Variants in ANO2 observed in about 807,000 individuals in gnomAD.
The protein encoded by ANO2 is anoctamin 2.
A neutral mutation model predicts 124.2 loss-of-function variants in ANO2; 101 were observed. The observed-to-expected ratio is 0.81, with a 90% CI of 0.69 to 0.96. The LOEUF is 0.96. ANO2 is among the 40% of genes least tolerant of loss of function. The pLI is 0.00. For synonymous variants in ANO2, 486 were observed against 482.5 expected, an observed-to-expected ratio of 1.01 and a Z score of -0.09; for missense variants, 1,293 against 1,274.5, an observed-to-expected ratio of 1.01 and a Z score of -0.22.
chr12:5,914,163 G>A (rs1382608894), intron 3 of ANO2, among the ~76,000 whole-genome samples: 1 of 151,516 alleles, frequency 6.6e-6, no homozygotes, highest in Non-Finnish European at 1.5e-5. Context: ...TTGCGCTACT[G>A]CACTCCAGCC....
chr12:5,689,129 G>A (rs1323902370), intron 14 of ANO2, among the ~76,000 whole-genome samples: 1 of 152,136 alleles, frequency 6.6e-6, no homozygotes, highest in East Asian at 1.9e-4. Flanking sequence ...TACTAAAGAA[G>A]CCAAAGGAAT....
intron 3 of ANO2, among the ~76,000 whole-genome samples, chr12:5,909,447 C>G (rs1025561095): frequency 1.3e-5 from 2 of 152,196 alleles, no homozygotes; most frequent in Non-Finnish European, 2.9e-5. Flanking sequence ...ACAGTACTGT[C>G]AGATACATAG....
chr12:5,899,785 C>T (rs1940058406), intron 3 of ANO2, among the ~76,000 whole-genome samples: 1 of 152,190 alleles, frequency 6.6e-6, no homozygotes, highest in East Asian at 1.9e-4. Flanking sequence ...ACAGCTCATC[C>T]CTTTTCCTTT....
At chr12:5,813,070 G>A (rs1208273753) in intron 7 of ANO2, among the ~76,000 whole-genome samples, 7 of 11,088 alleles carry the variant, frequency 6.3e-4, no homozygotes, top group African/African-American at 1.1e-3. Flanking sequence ...GAAGGAAGAC[G>A]AAAGAGGAAG....
chr12:5,571,546 G>T (rs572298627), intron 23 of ANO2, among the ~76,000 whole-genome samples: 5 of 152,306 alleles, frequency 3.3e-5, no homozygotes, highest in African/African-American at 1.2e-4. Context: ...GGGTCAACAA[G>T]TTCCCAACGC....
rs556193665 is a variant in ANO2 at position 5,802,912 on chromosome 12, G to A, written c.990+3140C>T. On this transcript the variant is annotated intron_variant, in intron 9 of 24. Coordinates refer to ENST00000682330, the MANE Select transcript of ANO2 (RefSeq NM_001364791.2). ...ACAGCAGGAACCATCCCACCTGATGGATCAGAGATAGAAGCAGCAAGTTTG... is the reference window on the plus strand; with the variant it reads ...ACAGCAGGAACCATCCCACCTGATGAATCAGAGATAGAAGCAGCAAGTTTG... 9.0e-4 allele frequency among the ~76,000 whole-genome samples: 137 copies of A among 152,324 alleles called. 1 individual carries two copies. The highest frequency in any genetic ancestry group is 1.4e-3 in the Non-Finnish European group (98 of 68,030).
intron 19 of ANO2, among the ~76,000 whole-genome samples, chr12:5,610,848 A>ACACG (rs1365537314): frequency 6.9e-6 from 1 of 145,892 alleles, no homozygotes; most frequent in Admixed American, 6.9e-5. Flanking sequence ...ACACACACAC[A>ACACG]CACACACACA....
At chr12:5,820,295 G>C (rs1953746325) in intron 7 of ANO2, among the ~76,000 whole-genome samples, 1 of 152,132 alleles carries the variant, frequency 6.6e-6, no homozygotes, top group African/African-American at 2.4e-5. Context: ...TTGGGGAAAG[G>C]GATATGATCA....
rs1172290767 is a variant in ANO2 at position 5,795,870 on chromosome 12, G to A, written c.1055+3637C>T. On this transcript the variant is annotated intron_variant, in intron 10 of 24. Transcript: ENST00000682330. ...GGCTGTTTTCCTCCTGGGTTTTAGAGCATTGAACCAGAGAAGTGCAGGCAG... is the reference window on the plus strand; with the variant it reads ...GGCTGTTTTCCTCCTGGGTTTTAGAACATTGAACCAGAGAAGTGCAGGCAG... 3.9e-5 allele frequency among the ~76,000 whole-genome samples: 6 copies of A among 152,074 alleles called. No individual in the cohort carries two copies. In the East Asian group the frequency reaches 1.2e-3, roughly 29 times the overall value.
At chr12:5,800,081 G>A (rs1417613918) in intron 9 of ANO2, among the ~76,000 whole-genome samples, 1 of 152,214 alleles carries the variant, frequency 6.6e-6, no homozygotes, top group Non-Finnish European at 1.5e-5. Flanking sequence ...GTAGGGTGCT[G>A]TTGTAGACAG....
intron 16 of ANO2, among the ~76,000 whole-genome samples, chr12:5,627,420 C>A (rs1810439887): frequency 6.6e-6 from 1 of 152,200 alleles, no homozygotes; most frequent in South Asian, 2.1e-4. Flanking sequence ...ACTGTGGCGT[C>A]CCCGCAGAGA....
chr12:5,922,606 C>A lies in ANO2; in HGVS notation c.207+14G>T. ...CTGGCCTATCCCCCCACCCCACCCC[C>A]GCCCAGTACTCACAGAGCTGCTGCG... On this transcript the variant is annotated intron_variant, in intron 2 of 24. Coordinates refer to ENST00000682330, the MANE Select transcript of ANO2 (RefSeq NM_001364791.2). 6.2e-4 allele frequency: 941 copies of A among 1,523,400 alleles called. No individual in the cohort carries two copies. Among genetic ancestry groups the A allele is most frequent in the African/African-American group, 1.8e-3 (131 of 72,194 alleles). The allele number at this position is 1,523,400 out of a possible 1,614,324, so 94.4% of individuals were successfully genotyped here. A position where few individuals can be genotyped will look rare whatever the true frequency, so the allele number is the denominator to read the frequency against.
intron 1 of ANO2, among the ~76,000 whole-genome samples, chr12:5,928,434 T>C (rs1942191620): frequency 1.0e-5 from 1 of 99,282 alleles, no homozygotes; most frequent in Admixed American, 1.1e-4. Flanking sequence ...TCCTCACTAG[T>C]CTACTTTCCT....
Position 5,836,376 on chromosome 12 carries a change from T to C in ANO2, c.634-3773A>G, listed in dbSNP as rs540141333. ...TTAAATGTAATTATATCCCATGTGG[T>C]ATTTGGGACATATACTAACAAAGTA... On this transcript the variant is annotated intron_variant, in intron 4 of 24. Transcript: ENST00000682330. 1.2e-4 allele frequency among the ~76,000 whole-genome samples: 18 copies of C among 152,324 alleles called. 1 individual carries two copies. The South Asian group carries it at 3.7e-3, about 32-fold the overall frequency.
chr12:5,891,098 T>C (rs1189512017), intron 3 of ANO2, among the ~76,000 whole-genome samples: 1 of 152,182 alleles, frequency 6.6e-6, no homozygotes, highest in Admixed American at 6.5e-5. Context: ...ACGTTCTCCT[T>C]CTATGCCACC....
intron 19 of ANO2, among the ~76,000 whole-genome samples, chr12:5,601,269 T>C (rs1317473210): frequency 6.6e-6 from 1 of 152,170 alleles, no homozygotes. Flanking sequence ...CATGCTCTGA[T>C]AGACATTTAT....
At position 5,787,638 on chromosome 12, in the gene ANO2, A is replaced by G. The variant is rs1952577043; in HGVS notation, c.1055+11869T>C. 6.6e-6 allele frequency among the ~76,000 whole-genome samples: 1 copy of G among 152,204 alleles called. No homozygotes were observed. Among genetic ancestry groups the G allele is most frequent in the Non-Finnish European group, 1.5e-5 (1 of 68,036 alleles). ...GTAGAACAGTGCCTGCCACACAGCA[A>G]ACATCTAACTGTTAGCTGTTGTCAT... On this transcript the variant is annotated intron_variant, in intron 10 of 24. Coordinates refer to ENST00000682330, the MANE Select transcript of ANO2 (RefSeq NM_001364791.2). The surrounding 1 kb of genome is among the most constrained non-coding windows in gnomAD (Gnocchi z 4.2).
chr12:5,591,793 T>C (rs1411432711), intron 20 of ANO2, among the ~76,000 whole-genome samples: 3 of 152,172 alleles, frequency 2.0e-5, no homozygotes, highest in Non-Finnish European at 4.4e-5. Context: ...CCTGAAACTC[T>C]GGAGGGAACA....
rs1360046932 is a variant in ANO2 at position 5,851,823 on chromosome 12, G to C, written c.633+2220C>G. On this transcript the variant is annotated intron_variant, in intron 4 of 24. Coordinates refer to ENST00000682330, the MANE Select transcript of ANO2 (RefSeq NM_001364791.2). ...GAAAAGAATGAGAGTAGAAAGACGGGAAGGAAAGCAAAGAGGGAAAATAAG... is the reference window on the plus strand; with the variant it reads ...GAAAAGAATGAGAGTAGAAAGACGGCAAGGAAAGCAAAGAGGGAAAATAAG... 10 of 681,094 alleles carry C rather than the reference G, an allele frequency of 1.5e-5. No homozygotes were observed. In the East Asian group the frequency reaches 2.4e-4, roughly 17 times the overall value. The allele number at this position is 681,094 out of a possible 1,614,324, so 42.2% of individuals were successfully genotyped here.
Sources: allele counts gnomAD v4.1 joint callset (sites outside exome capture counted in the v4.1 genomes callset), GRCh38; gene constraint gnomAD v4.1.1; non-coding constraint Gnocchi (gnomAD v3.1); transcripts MANE v1.5; gene names NCBI Gene and HGNC (gene_info 2026-07-23, HGNC 2026-07-21).